MSH3: variants seen among roughly 807,000 people sequenced by gnomAD.
MSH3 encodes the protein mutS homolog 3, also known as DNA mismatch repair protein Msh3.
In MSH3, 106 loss-of-function variants were observed where a neutral mutation model predicts 123.3. That is an observed-to-expected ratio of 0.86 (90% CI 0.73 to 1.01). The LOEUF (loss-of-function observed/expected upper bound fraction) is 1.01. Among genes scored for constraint, MSH3 ranks in the 50% least tolerant of loss-of-function variants. The pLI, the probability that MSH3 is intolerant of heterozygous loss-of-function variation, is 0.00. For missense variants in MSH3, 1,459 were observed against 1,347.6 expected (o/e 1.08, Z -1.29); for synonymous variants, 515 against 481.4 (o/e 1.07, Z -0.91).
intron 8 of MSH3, among the ~76,000 whole-genome samples, chr5:80,696,046 C>G (rs569783790): frequency 6.6e-6 from 1 of 152,096 alleles, no homozygotes; most frequent in Non-Finnish European, 1.5e-5. Flanking sequence ...CGTTGAAACC[C>G]GAGGGAGATG....
At chr5:80,733,406 TTGAA>T (rs1743446811) in intron 10 of MSH3, among the ~76,000 whole-genome samples, 2 of 152,148 alleles carry the variant, frequency 1.3e-5, no homozygotes, top group South Asian at 4.1e-4. Flanking sequence ...CTTTGTAACC[TTGAA>T]TGAGGCAATG....
At chr5:80,810,867 C>T (rs1744997487) in intron 19 of MSH3, among the ~76,000 whole-genome samples, 1 of 151,950 alleles carries the variant, frequency 6.6e-6, no homozygotes. Flanking sequence ...TAAATTGTAT[C>T]ATTAACAATG....
At chr5:80,686,234 T>C (rs1392910160) in intron 8 of MSH3, among the ~76,000 whole-genome samples, 1 of 152,318 alleles carries the variant, frequency 6.6e-6, no homozygotes, top group African/African-American at 2.4e-5. Flanking sequence ...CGTTTCTTTA[T>C]TGATTTTCTG....
chr5:80,874,217 T>C (rs1045136631), intron 23 of MSH3, among the ~76,000 whole-genome samples: 2 of 152,228 alleles, frequency 1.3e-5, no homozygotes, highest in African/African-American at 2.4e-5. Flanking sequence ...TCATACTAGC[T>C]AAAGAAACAG....
At chr5:80,775,620 C>A (rs894018866) in intron 15 of MSH3, 74 bp from the exon 16 acceptor site, 36 of 860,602 alleles carry the variant, frequency 4.2e-5, no homozygotes, top group Non-Finnish European at 3.8e-6. Flanking sequence ...AATTGTTATA[C>A]CACAATTTGG....
chr5:80,814,389 A>G (rs1745065815), intron 20 of MSH3, among the ~76,000 whole-genome samples: 1 of 152,142 alleles, frequency 6.6e-6, no homozygotes, highest in Admixed American at 6.5e-5. Context: ...CTCCTGCCTC[A>G]GCCTCCTGAA....
chr5:80,791,112 A>G lies in MSH3; in HGVS notation c.2544-1621A>G, dbSNP rs1481242339. 2.6e-5 allele frequency among the ~76,000 whole-genome samples: 4 copies of G among 152,218 alleles called. No homozygotes were observed. In the East Asian group the frequency reaches 7.7e-4, roughly 29 times the overall value. On this transcript the variant is annotated intron_variant, in intron 18 of 23. Transcript: ENST00000265081. The stretch of plus-strand genomic sequence containing the variant: ...CTGAAAGATGTGATAGTATTCTTCT[A>G]TCTTTTATAATATTTATTCACTAAA...
chr5:80,834,370 A>G (rs1745472716), intron 20 of MSH3, among the ~76,000 whole-genome samples: 1 of 150,312 alleles, frequency 6.7e-6, no homozygotes, highest in Non-Finnish European at 1.5e-5. Context: ...TATTTTAAAT[A>G]TTTAAAAAGT....
At position 80,675,116 on chromosome 5, in the gene MSH3, T is replaced by C; in HGVS notation, c.1161T>C (p.Phe387=). Residue 387 remains phenylalanine (F), a synonymous_variant, in exon 7 of 24, where the codon TTT becomes TTC. Coordinates refer to ENST00000265081, the MANE Select transcript of MSH3 (RefSeq NM_002439.5). ...NVRDKKKGNI[F]IGIVGVQPAT... ...GGGACAAAAAAAAGGGCAACATTTT[T>C]ATTGGCATTGTGGTAAGTACTTTGC... 6.2e-7 allele frequency: 1 copy of C among 1,613,834 alleles called. No homozygotes were observed. Among genetic ancestry groups the C allele is most frequent in the Non-Finnish European group, 8.5e-7 (1 of 1,179,860 alleles).
At chr5:80,719,003 C>A (rs1751020305) in intron 8 of MSH3, among the ~76,000 whole-genome samples, 1 of 151,426 alleles carries the variant, frequency 6.6e-6, no homozygotes, top group Non-Finnish European at 1.5e-5. Context: ...TGGAATTAGT[C>A]ATTTCTCCAG....
intron 21 of MSH3, among the ~76,000 whole-genome samples, chr5:80,863,581 G>T (rs1451019551): frequency 6.6e-6 from 1 of 151,634 alleles, no homozygotes; most frequent in Non-Finnish European, 1.5e-5. Context: ...TAAGGTAGGA[G>T]AATGGCGTAA....
rs553366693 is a variant in MSH3 at position 80,752,103 on chromosome 5, G to A, written c.1763+7488G>A. 6.6e-4 allele frequency among the ~76,000 whole-genome samples: 101 copies of A among 151,916 alleles called. 1 individual carries two copies. The Middle Eastern group carries it at 0.031, about 46-fold the overall frequency. On this transcript the variant is annotated intron_variant, in intron 12 of 23. Transcript: ENST00000265081. Reference sequence around the variant, plus strand: ...CCAGGTGAAGGTATGTATGCAAAGTGTTACATTAATTTTAGAGATGAAAAA... The same window carrying A: ...CCAGGTGAAGGTATGTATGCAAAGTATTACATTAATTTTAGAGATGAAAAA...
Position 80,738,952 on chromosome 5 carries a change from T to C in MSH3, c.1569-2512T>C, listed in dbSNP as rs548326378. 2.0e-3 allele frequency among the ~76,000 whole-genome samples: 301 copies of C among 152,354 alleles called. 1 individual carries two copies. Among genetic ancestry groups the C allele is most frequent in the African/African-American group, 7.0e-3 (291 of 41,582 alleles). On this transcript the variant is annotated intron_variant, in intron 10 of 23. Coordinates refer to ENST00000265081, the MANE Select transcript of MSH3 (RefSeq NM_002439.5). ...GAAGACACACAGAAGGTGCCATCTA[T>C]GGGGACTGAGCCCTCACTAGACACC...
rs939943449 is a variant in MSH3, at chr5:80,674,855, C to T, written c.1028-128C>T. ...TTGGCCTCCTAAAGTGCTGGGATTA[C>T]AGGTGTGAGCCACTGCGCCTGGCTG... On this transcript the variant is annotated intron_variant, in intron 6 of 23. Transcript: ENST00000265081. 3.7e-6 allele frequency: 3 copies of T among 808,290 alleles called. No homozygotes were observed. In the African/African-American group the frequency reaches 5.2e-5, roughly 14 times the overall value. The allele number at this position is 808,290 out of a possible 1,614,324, so 50.1% of individuals were successfully genotyped here.
chr5:80,860,702 G>C (rs145991188), intron 21 of MSH3, among the ~76,000 whole-genome samples: 2 of 151,928 alleles, frequency 1.3e-5, no homozygotes, highest in African/African-American at 2.4e-5. Flanking sequence ...GTGGTTTTGT[G>C]TCTGACATTA....
chr5:80,689,274 G>T (rs1437334433), intron 8 of MSH3, among the ~76,000 whole-genome samples: 1 of 152,130 alleles, frequency 6.6e-6, no homozygotes, highest in Non-Finnish European at 1.5e-5. Flanking sequence ...GCACTAGTGG[G>T]AGGAGCTTAT....
At position 80,686,384 on chromosome 5, in the gene MSH3, C is replaced by T. The variant is rs536659142; in HGVS notation, c.1340+7291C>T. Among the ~76,000 whole-genome samples the T allele has an allele frequency of 4.0e-5, 6 of 151,028 alleles. No individual in the cohort carries two copies. In the South Asian group the frequency reaches 1.3e-3, roughly 33 times the overall value. On this transcript the variant is annotated intron_variant, in intron 8 of 23. Transcript: ENST00000265081. ...GTGGCATGATCTCAGTACACTGCAA[C>T]CTCTGCCTCCCGGGTTTAAGCGATT...
chr5:80,741,858 T>C (rs1289816267), intron 11 of MSH3, among the ~76,000 whole-genome samples: 1 of 152,164 alleles, frequency 6.6e-6, no homozygotes, highest in Non-Finnish European at 1.5e-5. Context: ...TGAAGCGGAT[T>C]TTTTTTGTCT....
intron 22 of MSH3, among the ~76,000 whole-genome samples, chr5:80,865,762 G>A (rs1294093082): frequency 6.6e-6 from 1 of 152,120 alleles, no homozygotes; most frequent in African/African-American, 2.4e-5. Flanking sequence ...CATCATGCAA[G>A]ATACCCCAGA....
Sources: allele counts gnomAD v4.1 joint callset (sites outside exome capture counted in the v4.1 genomes callset), GRCh38; gene constraint gnomAD v4.1.1; transcripts MANE v1.5; gene names NCBI Gene and HGNC (gene_info 2026-07-23, HGNC 2026-07-21).